The following LATS1 variants were observed in gnomAD, a reference collection of about 807,000 sequenced individuals.
The protein encoded by LATS1 is large tumor suppressor kinase 1.
LATS1 carries 25 observed loss-of-function variants against 106.6 expected under a neutral mutation model. The ratio of observed to expected loss-of-function variants is 0.23; its 90% CI spans 0.17 to 0.33. LATS1 has a LOEUF of 0.33. Among genes scored for constraint, LATS1 ranks in the 10% least tolerant of loss-of-function variants. The pLI is 1.00. For missense variants in LATS1, 1,040 were observed against 1,382.6 expected (o/e 0.75, Z 3.93); for synonymous variants, 465 against 455.6 (o/e 1.02, Z -0.26).
chr6:149,707,718 T>C (rs1386231127), intron 1 of LATS1, among the ~76,000 whole-genome samples: 1 of 152,232 alleles, frequency 6.6e-6, no homozygotes, highest in Non-Finnish European at 1.5e-5. Flanking sequence ...TTGAAAATAC[T>C]TGTGGATAAA....
chr6:149,698,482 G>C (rs1407230346), intron 2 of LATS1, among the ~76,000 whole-genome samples: 1 of 151,698 alleles, frequency 6.6e-6, no homozygotes, highest in East Asian at 1.9e-4. Context: ...CTGGCCTCAA[G>C]CAATCCTCCT....
intron 7 of LATS1, among the ~76,000 whole-genome samples, chr6:149,668,889 A>C (rs1781302061): frequency 6.6e-6 from 1 of 150,532 alleles, no homozygotes. Flanking sequence ...TGCAGCCTTG[A>C]CCTCCTGGAC....
Position 149,661,595 on chromosome 6 carries a change from G to A in LATS1, c.*134C>T. On this transcript the variant is annotated 3_prime_UTR_variant, in exon 8 of 8. Coordinates refer to ENST00000543571, the MANE Select transcript of LATS1 (RefSeq NM_004690.4). ...TTTTAAAAGGATTTCCCATAATTTA[G>A]GAAAATAAAATATTGTACACAGAGC... 1.6e-6 allele frequency: 1 copy of A among 632,198 alleles called. No individual in the cohort carries two copies. Among genetic ancestry groups the A allele is most frequent in the Non-Finnish European group, 2.5e-6 (1 of 403,662 alleles). 39.2% of individuals were successfully genotyped at this position (632,198 alleles called of 1,614,324 possible).
At chr6:149,712,068 A>T (rs1317311254) in intron 1 of LATS1, among the ~76,000 whole-genome samples, 2 of 152,132 alleles carry the variant, frequency 1.3e-5, no homozygotes, top group Non-Finnish European at 1.5e-5. Flanking sequence ...TGATTAAGAG[A>T]TTATTGGGCA....
intron 1 of LATS1, among the ~76,000 whole-genome samples, chr6:149,704,887 TACACACACAC>T (rs57029776): frequency 1.6e-4 from 23 of 139,874 alleles, no homozygotes; most frequent in East Asian, 8.3e-4. Flanking sequence ...AAATTAATTA[TACACACACAC>T]ACACACACAC....
At chr6:149,707,924 T>C (rs1783880913) in intron 1 of LATS1, among the ~76,000 whole-genome samples, 1 of 152,122 alleles carries the variant, frequency 6.6e-6, no homozygotes. Context: ...TTGCCCAGGC[T>C]AGTCTTGAAC....
rs746833060 is a variant in LATS1 at position 149,661,915 on chromosome 6, C to T, written c.3207G>A (p.Lys1069=). ...ATTCATAGAATGCATGTTCAGGATG[C>T]TTTCCATTTTTATACCATCCATTGA... ...DTLNGWYKNG[K]HPEHAFYEFT... Residue 1069 remains lysine (K), a synonymous_variant, in exon 8 of 8, where the codon AAG becomes AAA. Transcript: ENST00000543571. 21 of 1,613,750 alleles carry T rather than the reference C, an allele frequency of 1.3e-5. No homozygotes were observed. The highest frequency in any genetic ancestry group is 1.8e-5 in the Non-Finnish European group (21 of 1,179,890).
At position 149,661,648 on chromosome 6, in the gene LATS1, A is replaced by C. The variant is rs1780889981; in HGVS notation, c.*81T>G. 1 of 1,219,942 alleles carries C rather than the reference A, an allele frequency of 8.2e-7. No homozygotes were observed. Among genetic ancestry groups the C allele is most frequent in the African/African-American group, 1.5e-5 (1 of 65,946 alleles). The allele number at this position is 1,219,942 out of a possible 1,614,324, so 75.6% of individuals were successfully genotyped here. On this transcript the variant is annotated 3_prime_UTR_variant, in exon 8 of 8. Transcript: ENST00000543571. ...ACATATATAGCTCTGTCATATTTGCATAATTTTACTCTCAGAACCTCAAAA... is the reference window on the plus strand; with the variant it reads ...ACATATATAGCTCTGTCATATTTGCCTAATTTTACTCTCAGAACCTCAAAA...
At chr6:149,663,533 TA>T (rs1780987511) in intron 7 of LATS1, among the ~76,000 whole-genome samples, 1 of 152,164 alleles carries the variant, frequency 6.6e-6, no homozygotes, top group African/African-American at 2.4e-5. Flanking sequence ...AAATATTTTT[TA>T]AAAAGCTGAA....
At chr6:149,687,095 A>T (rs925285663) in intron 3 of LATS1, among the ~76,000 whole-genome samples, 6 of 147,340 alleles carry the variant, frequency 4.1e-5, no homozygotes, top group Admixed American at 1.4e-4. Context: ...CAAGATTTTT[A>T]TTTTTTTTTT....
chr6:149,675,379 T>C (rs181294668), intron 7 of LATS1, among the ~76,000 whole-genome samples: 1 of 152,280 alleles, frequency 6.6e-6, no homozygotes, highest in African/African-American at 2.4e-5. Context: ...CTAAAGAGTA[T>C]TAAATCAGAC....
At chr6:149,688,686 G>A (rs1404541596) in intron 3 of LATS1, among the ~76,000 whole-genome samples, 1 of 152,142 alleles carries the variant, frequency 6.6e-6, no homozygotes, top group African/African-American at 2.4e-5. Context: ...GTAAACAACA[G>A]AACATCCGTG....
At chr6:149,666,291 T>G (rs1409452385) in intron 7 of LATS1, among the ~76,000 whole-genome samples, 1 of 151,646 alleles carries the variant, frequency 6.6e-6, no homozygotes, top group Non-Finnish European at 1.5e-5. Flanking sequence ...TGATATGACA[T>G]AGATGCTAGA....
At chr6:149,679,192 A>G (rs534700174) in intron 5 of LATS1, among the ~76,000 whole-genome samples, 1 of 152,186 alleles carries the variant, frequency 6.6e-6, no homozygotes. Flanking sequence ...AAGGGCTTCT[A>G]AAGTACTGAT....
chr6:149,713,039 A>T (rs188792548), intron 1 of LATS1, among the ~76,000 whole-genome samples: 11 of 152,110 alleles, frequency 7.2e-5, no homozygotes, highest in African/African-American at 2.4e-4. Context: ...CTTAAGATCA[A>T]CCCTTGGGCC....
intron 1 of LATS1, chr6:149,702,503 C>T (rs1186050678): frequency 5.9e-6 from 1 of 170,734 alleles, no homozygotes; most frequent in Non-Finnish European, 1.2e-5. Flanking sequence ...AAAAAAGTTC[C>T]TTAGTAAGCA....
chr6:149,709,408 G>T (rs1304502765), intron 1 of LATS1, among the ~76,000 whole-genome samples: 1 of 152,204 alleles, frequency 6.6e-6, no homozygotes, highest in Non-Finnish European at 1.5e-5. Context: ...TCTTCAAACA[G>T]TCCTGCAAAG....
At chr6:149,716,779 T>C (rs761229422) in intron 1 of LATS1, among the ~76,000 whole-genome samples, 3 of 152,200 alleles carry the variant, frequency 2.0e-5, no homozygotes, top group African/African-American at 4.8e-5. Context: ...CTTCTTTTAC[T>C]GTTCAATCAA....
rs1452625236 is a variant in LATS1 at position 149,678,167 on chromosome 6, A to C, written c.2594-1430T>G. 4.3e-3 allele frequency among the ~76,000 whole-genome samples: 582 copies of C among 135,754 alleles called. 92 individuals carry two copies. Among genetic ancestry groups the C allele is most frequent in the African/African-American group, 0.016 (556 of 35,472 alleles). 89.1% of individuals were successfully genotyped at this position (135,754 alleles called of 152,430 possible). A position where few individuals can be genotyped will look rare whatever the true frequency, so the allele number is the denominator to read the frequency against. ...AACCTGGTCTCTACTAAAAATCCAA[A>C]AAAAAAAAAAAAAAAAAAAAAAAAA... On this transcript the variant is annotated intron_variant, in intron 5 of 7. Coordinates refer to ENST00000543571, the MANE Select transcript of LATS1 (RefSeq NM_004690.4).
Sources: gnomAD v4.1 joint callset for allele counts (sites outside exome capture counted in the v4.1 genomes callset) on GRCh38, gnomAD v4.1.1 for gene constraint, MANE v1.5 for transcripts, NCBI Gene and HGNC (gene_info 2026-07-23, HGNC 2026-07-21) for gene names.